Variants in PCDHGA5 observed in about 807,000 individuals in gnomAD.
PCDHGA5 encodes the protein protocadherin gamma-A5.
A neutral mutation model predicts 56.7 loss-of-function variants in PCDHGA5; 36 were observed. The ratio of observed to expected loss-of-function variants is 0.64; its 90% CI spans 0.49 to 0.84. The LOEUF (loss-of-function observed/expected upper bound fraction) is 0.84, where lower values mean the gene tolerates loss of function less well. Ranked by LOEUF, PCDHGA5 falls within the 40% of genes least tolerant of loss-of-function variation. The pLI is 0.00. For synonymous variants in PCDHGA5, 563 were observed against 520.2 expected (o/e 1.08, Z -1.12); for missense variants, 1,305 against 1,201.5 (o/e 1.09, Z -1.27).
intron 1 of PCDHGA5, chr5:141,375,626 T>C (rs1370159999): frequency 6.2e-7 from 1 of 1,614,202 alleles, no homozygotes; most frequent in South Asian, 1.1e-5. Context: ...TGGGATTCTG[T>C]ACGCCCTGCG....
Position 141,421,259 on chromosome 5 carries a change from G to C in PCDHGA5, c.2421+54508G>C. The C allele has an allele frequency of 6.2e-7, 1 of 1,609,254 alleles. No individual in the cohort carries two copies. The highest frequency in any genetic ancestry group is 8.5e-7 in the Non-Finnish European group (1 of 1,178,538). The stretch of plus-strand genomic sequence containing the variant: ...AATCGGCTACAGCGCGGGGACCGCA[G>C]TCGGCTGCTGCTGCTGCTGTGCATT... On this transcript the variant is annotated intron_variant, in intron 1 of 3. Transcript: ENST00000518069.
At position 141,500,184 on chromosome 5, in the gene PCDHGA5, TTTTATTTATTTATTTA is replaced by T. The variant is rs58019021; in HGVS notation, c.2481-5182_2481-5167del. Among the ~76,000 whole-genome samples the T allele has an allele frequency of 2.1e-3, 289 of 135,964 alleles. 1 individual carries two copies. Among genetic ancestry groups the T allele is most frequent in the Middle Eastern group, 0.016 (4 of 248 alleles). The allele number at this position is 135,964 out of a possible 152,430, so 89.2% of individuals were successfully genotyped here. A position where few individuals can be genotyped will look rare whatever the true frequency, so the allele number is the denominator to read the frequency against. On this transcript the variant is annotated intron_variant, in intron 2 of 3. Coordinates refer to ENST00000518069, the MANE Select transcript of PCDHGA5 (RefSeq NM_018918.3). ...GAACATGCATGAGCTTCATTTTTAT[TTTTATTTATTTATTTA>T]TTTATTTATTTATTTATTTATTTAT...
At chr5:141,369,788 C>G (rs187476843) in intron 1 of PCDHGA5, among the ~76,000 whole-genome samples, 1 of 152,338 alleles carries the variant, frequency 6.6e-6, no homozygotes, top group East Asian at 1.9e-4. Context: ...CCTCTTTATA[C>G]TACGTCTTCT....
Position 141,510,938 on chromosome 5 carries a change from T to A in PCDHGA5, c.2570-9T>A. 1 of 1,614,026 alleles carries A rather than the reference T, an allele frequency of 6.2e-7. No homozygotes were observed. Among genetic ancestry groups the A allele is most frequent in the Non-Finnish European group, 8.5e-7 (1 of 1,179,984 alleles). ...TTAGCTCCCACCTGATCTTCCTCTG[T>A]CTCTGCAGAAGCTGCTGATGGGAGC... On this transcript the variant is annotated splice_polypyrimidine_tract_variant and intron_variant, in intron 3 of 3. Coordinates refer to ENST00000518069, the MANE Select transcript of PCDHGA5 (RefSeq NM_018918.3).
intron 1 of PCDHGA5, among the ~76,000 whole-genome samples, chr5:141,380,689 C>T (rs570719600): frequency 4.4e-4 from 67 of 152,288 alleles, no homozygotes; most frequent in South Asian, 2.9e-3. Flanking sequence ...GCTTTGTGTT[C>T]GGAGTAGTCT....
In PCDHGA5 at chr5:141,477,247, T is replaced by C; in HGVS notation, c.2422-17560T>C. On this transcript the variant is annotated intron_variant, in intron 1 of 3. Transcript: ENST00000518069. This position sits in a 1 kb window ranked among gnomAD's most constrained non-coding sequence, Gnocchi z 4.9. ...CTGTCATCGCTTTGCTCAGTGTGAC[T>C]GACCTGGATGCTGGCGAGAACGGGC... The C allele has an allele frequency of 6.2e-7, 1 of 1,614,208 alleles. No individual in the cohort carries two copies. Among genetic ancestry groups the C allele is most frequent in the Non-Finnish European group, 8.5e-7 (1 of 1,180,040 alleles).
intron 1 of PCDHGA5, chr5:141,404,202 AAT>A: frequency 6.2e-7 from 1 of 1,613,738 alleles, no homozygotes; most frequent in Non-Finnish European, 8.5e-7. Context: ...AAAGCCTCAG[AAT>A]ATAATATCAC....
intron 1 of PCDHGA5, chr5:141,391,737 T>C (rs1050956818): frequency 6.6e-6 from 1 of 152,224 alleles, no homozygotes; most frequent in Non-Finnish European, 1.5e-5. Context: ...TTTGTAGTCA[T>C]ACTTATCCTT....
chr5:141,458,702 T>G (rs1333580253), intron 1 of PCDHGA5, among the ~76,000 whole-genome samples: 1 of 152,102 alleles, frequency 6.6e-6, no homozygotes, highest in East Asian at 1.9e-4. Context: ...CCCGAGTAGC[T>G]GGGATTACAG....
intron 1 of PCDHGA5, among the ~76,000 whole-genome samples, chr5:141,368,196 G>T (rs1437997648): frequency 1.3e-5 from 2 of 152,104 alleles, no homozygotes; most frequent in Non-Finnish European, 2.9e-5. Flanking sequence ...AGGGGAAAAG[G>T]TAATAAAATA....
chr5:141,417,658 G>C, intron 1 of PCDHGA5: 2 of 869,072 alleles, frequency 2.3e-6, no homozygotes, highest in Non-Finnish European at 1.7e-6. Context: ...TCTAGCCTGG[G>C]ATTCCCTGCG....
chr5:141,414,934 G>A (rs1473788181), intron 1 of PCDHGA5: 1 of 1,614,146 alleles, frequency 6.2e-7, no homozygotes, highest in South Asian at 1.1e-5. Context: ...CCGCTCCGCA[G>A]AGCCCGGCTA....
rs765123370 is a variant in PCDHGA5, at chr5:141,365,478, C to A, written c.1148C>A (p.Ala383Glu). Residue 383 changes from alanine (A) to glutamate (E), a missense_variant, in exon 1 of 4, where the codon GCA becomes GAA. By Grantham distance (107) the Ala-to-Glu change is moderately radical (BLOSUM62 -1). Coordinates refer to ENST00000518069, the MANE Select transcript of PCDHGA5 (RefSeq NM_018918.3). The part of the protein sequence containing the change: ...DGDSGENGEI[A>E]CSIPRNLPFK... ...GATTCTGGAGAAAATGGTGAGATTGCATGCTCTATTCCTAGGAATTTGCCT... is the reference window on the plus strand; with the variant it reads ...GATTCTGGAGAAAATGGTGAGATTGAATGCTCTATTCCTAGGAATTTGCCT... The A allele has an allele frequency of 8.1e-6, 13 of 1,614,014 alleles. No homozygotes were observed. In the South Asian group the frequency reaches 1.4e-4, roughly 18 times the overall value.
chr5:141,430,639 A>C, intron 1 of PCDHGA5: 6 of 900,712 alleles, frequency 6.7e-6, no homozygotes, highest in Non-Finnish European at 9.7e-6. Context: ...CATCCCTGGG[A>C]GTATGTGGAA....
At chr5:141,462,474 C>T (rs2099040477) in intron 1 of PCDHGA5, among the ~76,000 whole-genome samples, 1 of 151,994 alleles carries the variant, frequency 6.6e-6, no homozygotes, top group South Asian at 2.1e-4. Flanking sequence ...TATTCTGCTT[C>T]TCGTGGTTGT....
chr5:141,487,386 G>C lies in PCDHGA5; in HGVS notation c.2422-7421G>C. On this transcript the variant is annotated intron_variant, in intron 1 of 3. Coordinates refer to ENST00000518069, the MANE Select transcript of PCDHGA5 (RefSeq NM_018918.3). The surrounding 1 kb of genome is among the most constrained non-coding windows in gnomAD (Gnocchi z 5.0). Reference sequence around the variant, plus strand: ...ACCTGTGCCTGTCTCACCAGATCTCGAAGGAGGGAGGGGCTTCCCCCTTCC... The same window carrying C: ...ACCTGTGCCTGTCTCACCAGATCTCCAAGGAGGGAGGGGCTTCCCCCTTCC... The C allele has an allele frequency of 1.2e-6, 2 of 1,614,164 alleles. No homozygotes were observed. Among genetic ancestry groups the C allele is most frequent in the South Asian group, 1.1e-5 (1 of 91,084 alleles).
rs561908431 is a variant in PCDHGA5, at chr5:141,510,639, TATC to T, written c.2570-304_2570-302del. Among the ~76,000 whole-genome samples the T allele has an allele frequency of 8.5e-3, 1,289 of 152,298 alleles. 6 individuals carry two copies. Among genetic ancestry groups the T allele is most frequent in the Middle Eastern group, 0.058 (17 of 294 alleles). On this transcript the variant is annotated intron_variant, in intron 3 of 3. Transcript: ENST00000518069. ...TAAAACCAGAAGAGGTGGTTACCAT[TATC>T]ATCCCCATTTTGCAGATGAGAAAAC...
chr5:141,417,830 G>C (rs2096166388), intron 1 of PCDHGA5: 1 of 1,527,028 alleles, frequency 6.5e-7, no homozygotes, highest in African/African-American at 1.4e-5. Flanking sequence ...AACTGGAAAA[G>C]CGGGGACCCA....
intron 1 of PCDHGA5, chr5:141,379,377 T>C (rs1263965751): frequency 1.3e-5 from 2 of 152,208 alleles, no homozygotes; most frequent in Non-Finnish European, 2.9e-5. Flanking sequence ...TTTGATAAAA[T>C]AACAATTTTA....
Sources: allele counts gnomAD v4.1 joint callset (sites outside exome capture counted in the v4.1 genomes callset), GRCh38; gene constraint gnomAD v4.1.1; non-coding constraint Gnocchi (gnomAD v3.1); transcripts MANE v1.5; gene names NCBI Gene and HGNC (gene_info 2026-07-23, HGNC 2026-07-21).